The following ZSCAN5A variants were observed in gnomAD, a reference collection of about 807,000 sequenced individuals.
The protein encoded by ZSCAN5A is zinc finger and SCAN domain-containing protein 5A.
A neutral mutation model predicts 23.7 loss-of-function variants in ZSCAN5A; 12 were observed. That is an observed-to-expected ratio of 0.51 (90% confidence interval 0.32 to 0.82). The LOEUF is 0.82. ZSCAN5A is among the 40% of genes least tolerant of loss of function. ZSCAN5A has a pLI of 0.03. For missense variants in ZSCAN5A, 597 were observed against 617.9 expected (o/e 0.97, Z 0.36); for synonymous variants, 257 against 239.9 (o/e 1.07, Z -0.66).
At chr19:56,288,708 G>A (rs1424486022) in intron 2 of ZSCAN5A, among the ~76,000 whole-genome samples, 2 of 152,180 alleles carry the variant, frequency 1.3e-5, no homozygotes, top group African/African-American at 2.4e-5. Context: ...CCCGTAAAAT[G>A]AGTGAATTGG....
chr19:56,304,339 C>A (rs549650173), intron 2 of ZSCAN5A, among the ~76,000 whole-genome samples: 1 of 152,280 alleles, frequency 6.6e-6, no homozygotes, highest in African/African-American at 2.4e-5. Flanking sequence ...GGTTCTGAAA[C>A]GGGGGTGACG....
At chr19:56,310,024 G>C (rs1352009076) in intron 2 of ZSCAN5A, 1 of 152,404 alleles carries the variant, frequency 6.6e-6, no homozygotes, top group African/African-American at 2.4e-5. Flanking sequence ...AGGTCACAAA[G>C]AGCCCTGTAG....
intron 2 of ZSCAN5A, among the ~76,000 whole-genome samples, chr19:56,268,580 C>T (rs1568670955): frequency 6.6e-6 from 1 of 152,146 alleles, no homozygotes; most frequent in East Asian, 1.9e-4. Flanking sequence ...TTTTTAATTG[C>T]TATTTTTAGA....
chr19:56,325,670 C>T (rs931862468), intron 2 of ZSCAN5A, among the ~76,000 whole-genome samples: 2 of 151,768 alleles, frequency 1.3e-5, no homozygotes, highest in Non-Finnish European at 2.9e-5. Context: ...AAAAAAATAG[C>T]GTTTGAAGGG....
chr19:56,352,776 A>G lies in ZSCAN5A; in HGVS notation c.-358+10459T>C, dbSNP rs2041675667. Among the ~76,000 whole-genome samples, 1 of 152,164 alleles carries G rather than the reference A, an allele frequency of 6.6e-6. No individual in the cohort carries two copies. Among genetic ancestry groups the G allele is most frequent in the African/African-American group, 2.4e-5 (1 of 41,440 alleles). ...TATCAAGGATGGGGGGATTCTCATT[A>G]CCCTTGTTGAAACTGGGTGCAACAC... On this transcript the variant is annotated intron_variant, in intron 2 of 6. Coordinates refer to the ZSCAN5A transcript ENST00000587340. The surrounding 1 kb of genome is among the most constrained non-coding windows in gnomAD (Gnocchi z 4.2).
At chr19:56,329,951 T>C (rs558845601) in intron 2 of ZSCAN5A, among the ~76,000 whole-genome samples, 1 of 152,358 alleles carries the variant, frequency 6.6e-6, no homozygotes, top group East Asian at 1.9e-4. Context: ...GAAAGCACAG[T>C]ACCCAATAGT....
chr19:56,302,581 C>CTCCCTCCCTCCCTT (rs1555807484), intron 2 of ZSCAN5A, among the ~76,000 whole-genome samples: 1 of 39,990 alleles, frequency 2.5e-5, no homozygotes, highest in East Asian at 1.0e-3. Context: ...TTCTTCCTCC[C>CTCCCTCCCTCCCTT]CCTTTTCTTC....
At position 56,244,174 on chromosome 19, in the gene ZSCAN5A, C is replaced by A. The variant is rs763668928; in HGVS notation, c.-127-19001G>T. The A allele has an allele frequency of 4.3e-6, 7 of 1,611,348 alleles. No homozygotes were observed. In the Admixed American group the frequency reaches 5.0e-5, roughly 12 times the overall value. On this transcript the variant is annotated intron_variant, in intron 2 of 5. Transcript: ENST00000683990. ...ATGACTGGGACCCTGAGACTTGTCA[C>A]GTGAACTTCAGGATGTTCAGCTGCC...
intron 2 of ZSCAN5A, chr19:56,302,026 G>C (rs776212392): frequency 2.0e-5 from 25 of 1,231,858 alleles, no homozygotes; most frequent in Non-Finnish European, 2.3e-5. Context: ...GGAAGAACAC[G>C]TGGAACTTCC....
At position 56,221,452 on chromosome 19, in the gene ZSCAN5A, A is replaced by T; in HGVS notation, c.*123T>A. ...ATTTACTCAAACATCCTGGCAATTCATATCTAGGGCACTCCCTCTGTGTGT... is the reference window on the plus strand; with the variant it reads ...ATTTACTCAAACATCCTGGCAATTCTTATCTAGGGCACTCCCTCTGTGTGT... On this transcript the variant is annotated 3_prime_UTR_variant, in exon 6 of 6. Transcript: ENST00000683990. 5 of 1,233,644 alleles carry T rather than the reference A, an allele frequency of 4.1e-6. No individual in the cohort carries two copies. Among genetic ancestry groups the T allele is most frequent in the Non-Finnish European group, 5.6e-6 (5 of 893,384 alleles). The allele number at this position is 1,233,644 out of a possible 1,614,324, so 76.4% of individuals were successfully genotyped here. A position where few individuals can be genotyped will look rare whatever the true frequency, so the allele number is the denominator to read the frequency against.
chr19:56,260,737 A>G (rs910408735), intron 2 of ZSCAN5A, among the ~76,000 whole-genome samples: 8 of 152,212 alleles, frequency 5.3e-5, no homozygotes, highest in Non-Finnish European at 1.2e-4. Flanking sequence ...AAGGATACAC[A>G]TGGAATTGAC....
At chr19:56,353,416 A>T (rs1355744605) in intron 2 of ZSCAN5A, among the ~76,000 whole-genome samples, 1 of 152,222 alleles carries the variant, frequency 6.6e-6, no homozygotes, top group African/African-American at 2.4e-5. Flanking sequence ...TTCACTTAAC[A>T]TAATTTCTTC....
At chr19:56,334,384 T>A (rs946271522) in intron 2 of ZSCAN5A, among the ~76,000 whole-genome samples, 7 of 152,244 alleles carry the variant, frequency 4.6e-5, no homozygotes, top group Non-Finnish European at 1.5e-5. Flanking sequence ...CAAATTATTT[T>A]ATTATTATTT....
chr19:56,223,990 T>C (rs142443904), intron 3 of ZSCAN5A, among the ~76,000 whole-genome samples, 156 bp from the exon 4 acceptor site: 1 of 151,574 alleles, frequency 6.6e-6, no homozygotes, highest in Admixed American at 6.6e-5. Flanking sequence ...AGCAATCCTG[T>C]CTGAATTTTT....
intron 1 of ZSCAN5A, chr19:56,367,946 A>G (rs937930528): frequency 4.6e-5 from 7 of 152,306 alleles, no homozygotes; most frequent in Non-Finnish European, 1.0e-4. Flanking sequence ...TAAGACGCAC[A>G]TGTCCACGCC....
Position 56,221,496 on chromosome 19 carries a change from T to C in ZSCAN5A, c.*79A>G. On this transcript the variant is annotated 3_prime_UTR_variant, in exon 6 of 6. Coordinates refer to ENST00000683990, the MANE Select transcript of ZSCAN5A (RefSeq NM_001322064.3). ...TGTGTGTCAGACGCCCTTGCATGTG[T>C]CAAATGTCATCTGATAACATTGATG... The C allele has an allele frequency of 6.6e-7, 1 of 1,508,858 alleles. No individual in the cohort carries two copies. Among genetic ancestry groups the C allele is most frequent in the Non-Finnish European group, 8.9e-7 (1 of 1,126,708 alleles). The allele number at this position is 1,508,858 out of a possible 1,614,324, so 93.5% of individuals were successfully genotyped here.
rs185480040 is a variant in ZSCAN5A, at chr19:56,250,083, C to T, written c.-127-24910G>A. Among the ~76,000 whole-genome samples, 116 of 152,276 alleles carry T rather than the reference C, an allele frequency of 7.6e-4. 1 individual carries two copies. Among genetic ancestry groups the T allele is most frequent in the Admixed American group, 3.7e-3 (56 of 15,298 alleles). ...TAGACACACAGTAAAAGAGATGCAG[C>T]ATAGAGTAATTCATTGCAAAGGAAT... On this transcript the variant is annotated intron_variant, in intron 2 of 5. Transcript: ENST00000683990.
chr19:56,302,063 T>C (rs944718112), intron 2 of ZSCAN5A: 19 of 1,231,634 alleles, frequency 1.5e-5, no homozygotes, highest in South Asian at 4.1e-5. Flanking sequence ...GGTGATGACC[T>C]ACCTCTTCGT....
intron 2 of ZSCAN5A, chr19:56,246,344 C>G (rs1161320241): frequency 2.2e-6 from 1 of 462,008 alleles, no homozygotes; most frequent in Non-Finnish European, 3.9e-6. Flanking sequence ...CCAGAGACTA[C>G]TGTCATGAAA....
Sources: gnomAD v4.1 joint callset for allele counts (sites outside exome capture counted in the v4.1 genomes callset) on GRCh38, gnomAD v4.1.1 for gene constraint, Gnocchi (gnomAD v3.1) non-coding constraint, MANE v1.5 for transcripts, NCBI Gene and HGNC (gene_info 2026-07-23, HGNC 2026-07-21) for gene names.